Variants in ATAD2 observed in about 807,000 individuals in gnomAD.
ATAD2 encodes ATPase family AAA domain-containing protein 2.
Under a neutral mutation model 168.9 loss-of-function variants are expected in ATAD2, and 62 were observed. That is an observed-to-expected ratio of 0.37 (90% CI 0.30 to 0.45). The LOEUF (loss-of-function observed/expected upper bound fraction) is 0.45, where lower values mean the gene tolerates loss of function less well. Ranked by LOEUF, ATAD2 falls within the 20% of genes least tolerant of loss-of-function variation. The pLI is 1.00. For synonymous variants in ATAD2, 613 were observed against 571.6 expected, an observed-to-expected ratio of 1.07 and a Z score of -1.03; for missense variants, 1,419 against 1,667.8, an observed-to-expected ratio of 0.85 and a Z score of 2.60.
At chr8:123,345,506 CAAAAAAAAAAAA>C (rs34282183) in intron 18 of ATAD2, among the ~76,000 whole-genome samples, 57 of 50,128 alleles carry the variant, frequency 1.1e-3, no homozygotes, top group African/African-American at 2.6e-3. Context: ...TATTAAAATA[CAAAAAAAAAAAA>C]AAAAAAAAAT....
In ATAD2 at chr8:123,336,626, T is replaced by C. The variant is rs566083404; in HGVS notation, c.3052-94A>G. 26 of 908,854 alleles carry C rather than the reference T, an allele frequency of 2.9e-5. 1 individual carries two copies. The highest frequency in any genetic ancestry group is 2.6e-4 in the African/African-American group (15 of 57,810). The allele number at this position is 908,854 out of a possible 1,614,324, so 56.3% of individuals were successfully genotyped here. A position where few individuals can be genotyped will look rare whatever the true frequency, so the allele number is the denominator to read the frequency against. ...GCCAGGCAATATAGGAGATAGAGAA[T>C]AAATACGTAAGAGATTATGATAATA... is the stretch of plus-strand genomic sequence containing the variant. On this transcript the variant is annotated intron_variant, in intron 21 of 27. Coordinates refer to ENST00000287394, the MANE Select transcript of ATAD2 (RefSeq NM_014109.4).
chr8:123,359,555 T>C (rs1828749972), intron 10 of ATAD2, 22 bp downstream of exon 10: 4 of 1,559,634 alleles, frequency 2.6e-6, no homozygotes, highest in Non-Finnish European at 2.6e-6. Context: ...TTCAAGCATA[T>C]GTTTCAAAAC....
chr8:123,347,552 A>C, intron 15 of ATAD2, 146 bp from the exon 16 acceptor site: 1 of 801,942 alleles, frequency 1.2e-6, no homozygotes, highest in Non-Finnish European at 1.9e-6. Flanking sequence ...TAAGACCAAA[A>C]TCTCTTTTAC....
Position 123,396,110 on chromosome 8 carries a change from C to G in ATAD2, c.171+77G>C, listed in dbSNP as rs4871359. ...CACCCTGACCGGCGCCGCCCACCCCCAGGCCCCTCCGAGCGCCGGGCTGCC... is the reference window on the plus strand; with the variant it reads ...CACCCTGACCGGCGCCGCCCACCCCGAGGCCCCTCCGAGCGCCGGGCTGCC... On this transcript the variant is annotated intron_variant, in intron 1 of 27. Transcript: ENST00000287394. The G allele has an allele frequency of 2.8e-6, 4 of 1,451,452 alleles. No homozygotes were observed. In the East Asian group the frequency reaches 1.0e-4, roughly 38 times the overall value. The allele number at this position is 1,451,452 out of a possible 1,614,324, so 89.9% of individuals were successfully genotyped here.
intron 2 of ATAD2, among the ~76,000 whole-genome samples, chr8:123,376,597 T>C (rs1448050516): frequency 1.3e-5 from 2 of 152,064 alleles, no homozygotes; most frequent in Non-Finnish European, 2.9e-5. Flanking sequence ...ACCATGGAAT[T>C]GTACACTTTA....
rs1376052815 is a variant in ATAD2, at chr8:123,361,589, T to C, written c.1107A>G (p.Glu369=). 6.2e-7 allele frequency: 1 copy of C among 1,613,638 alleles called. No individual in the cohort carries two copies. Among genetic ancestry groups the C allele is most frequent in the South Asian group, 1.1e-5 (1 of 91,054 alleles). ...TTTTCCTCCGCCTCTCAAAGTGCTG[T>C]TCATCTTCAGAGGAGGAAGATGAAG... ...DSTSSSSSED[E]QHFERRRKRS... is the part of the protein sequence containing the mutation. The change falls in exon 9 of 28, where the codon GAA becomes GAG. Residue 369 remains glutamate, a synonymous_variant. Transcript: ENST00000287394.
rs964074287 is a variant in ATAD2, at chr8:123,328,538, A to C, written c.3520T>G (p.Leu1174Val). 2.6e-6 allele frequency: 4 copies of C among 1,567,940 alleles called. No individual in the cohort carries two copies. The highest frequency in any genetic ancestry group is 1.7e-4 in the Middle Eastern group (1 of 5,882). ...TTCCTTCGCTTTTTTATGGTGCCTAAGTACCAGTTTGACTTTTTGCGAATT... is the reference window on the plus strand; with the variant it reads ...TTCCTTCGCTTTTTTATGGTGCCTACGTACCAGTTTGACTTTTTGCGAATT... The part of the protein sequence containing the change: ...RKIRKKSNWY[L>V]GTIKKRRKIS... Residue 1174 changes from leucine (L) to valine (V), a missense_variant, in exon 25 of 28, where the codon TTA becomes GTA. Leu to Val is a conservative substitution (Grantham distance 32, BLOSUM62 1). Around this residue, in one of 5 missense-constraint regions of ATAD2, gnomAD observed 303 missense variants for 304.3 expected, o/e 1.00. Coordinates refer to ENST00000287394, the MANE Select transcript of ATAD2 (RefSeq NM_014109.4).
intron 2 of ATAD2, among the ~76,000 whole-genome samples, chr8:123,375,786 C>G (rs1829290624): frequency 6.6e-6 from 1 of 151,920 alleles, no homozygotes; most frequent in South Asian, 2.1e-4. Context: ...GCCTGGCCAA[C>G]ATGGTGAAAC....
upstream of ATAD2, chr8:123,400,760 A>G: frequency 3.8e-6 from 3 of 789,742 alleles, no homozygotes; most frequent in Non-Finnish European, 6.8e-6. The surrounding 1 kb of genome is among the most constrained non-coding windows in gnomAD (Gnocchi z 4.5). Context: ...ATCACGCTGA[A>G]GACGCCGCTG....
chr8:123,346,564 T>C, intron 17 of ATAD2, 54 bp downstream of exon 17: 1 of 1,429,664 alleles, frequency 7.0e-7, no homozygotes, highest in Non-Finnish European at 9.4e-7. Context: ...ACATCTCATT[T>C]ATTTTTAGAA....
At chr8:123,405,420 C>CT (rs112395027) in intron 1 of ATAD2, among the ~76,000 whole-genome samples, 74,751 of 148,412 alleles carry the variant, frequency 0.5, 20,071 homozygotes, top group East Asian at 0.88. Flanking sequence ...TGAAGCCTGG[C>CT]TTTTTTTTTT....
intron 1 of ATAD2, among the ~76,000 whole-genome samples, chr8:123,395,533 T>C (rs1335273884): frequency 6.6e-6 from 1 of 152,204 alleles, no homozygotes; most frequent in Non-Finnish European, 1.5e-5. Flanking sequence ...TACCCCTTAC[T>C]GTTTACCTTT....
At chr8:123,330,337 T>C (rs1827743376) in intron 24 of ATAD2, among the ~76,000 whole-genome samples, 1 of 151,188 alleles carries the variant, frequency 6.6e-6, no homozygotes. Flanking sequence ...GTCTGCTGCC[T>C]CTTGGTTGTC....
intron 1 of ATAD2, among the ~76,000 whole-genome samples, chr8:123,389,312 G>C (rs376648572): frequency 6.7e-6 from 1 of 148,382 alleles, no homozygotes; most frequent in African/African-American, 2.5e-5. Flanking sequence ...TCAAGGACAA[G>C]CAGTCCCAAC....
intron 8 of ATAD2, among the ~76,000 whole-genome samples, chr8:123,367,137 G>A (rs549849375): frequency 2.6e-5 from 4 of 152,296 alleles, no homozygotes; most frequent in East Asian, 3.9e-4. Context: ...TAACTCGGCC[G>A]GGTGCAGTGG....
At chr8:123,363,706 TCA>T (rs1298257813) in intron 8 of ATAD2, among the ~76,000 whole-genome samples, 1 of 152,196 alleles carries the variant, frequency 6.6e-6, no homozygotes, top group African/African-American at 2.4e-5. Context: ...GTCACAGAAT[TCA>T]GACTAACCTC....
Position 123,322,962 on chromosome 8 carries a change from G to A in ATAD2, c.4107C>T (p.Asp1369=), listed in dbSNP as rs1305196392. 1 of 1,613,628 alleles carries A rather than the reference G, an allele frequency of 6.2e-7. No individual in the cohort carries two copies. The highest frequency in any genetic ancestry group is 8.5e-7 in the Non-Finnish European group (1 of 1,179,822). ...CCTGAATAAGTGATGTTTTATCATG[G>A]TCCTTGCGATGCCGATAAATACATT... ...ISQCIYRHRK[D]HDKTSLIQKM... is the part of the protein sequence containing the mutation. The change falls in exon 27 of 28, where the codon GAC becomes GAT. Residue 1369 remains aspartate (D), a synonymous_variant. Coordinates refer to ENST00000287394, the MANE Select transcript of ATAD2 (RefSeq NM_014109.4).
intron 22 of ATAD2, among the ~76,000 whole-genome samples, chr8:123,335,018 T>C (rs1002511231): frequency 6.6e-6 from 1 of 152,158 alleles, no homozygotes; most frequent in African/African-American, 2.4e-5. Context: ...CAGCAGCCTG[T>C]GTCACCGGGA....
rs148244463 is a variant in ATAD2, at chr8:123,369,936, A to G, written c.816T>C (p.Asp272=). ...CATCATCTTCATCATCATCATCATCATCATCATCGTCATCATCATCATCAT... is the reference window on the plus strand; with the variant it reads ...CATCATCTTCATCATCATCATCATCGTCATCATCGTCATCATCATCATCAT... ...DEDDDDDDDD[D]DDDDDEDDED... is the part of the protein sequence containing the mutation. Residue 272 remains aspartate (D), a synonymous_variant, in exon 7 of 28, where the codon GAT becomes GAC. Transcript: ENST00000287394. 44 of 1,576,310 alleles carry G rather than the reference A, an allele frequency of 2.8e-5. No individual in the cohort carries two copies. The highest frequency in any genetic ancestry group is 1.7e-4 in the Middle Eastern group (1 of 5,990).
Sources: gnomAD v4.1 joint callset for allele counts (sites outside exome capture counted in the v4.1 genomes callset) on GRCh38, gnomAD v4.1.1 for gene constraint, gnomAD v4.1.1 regional missense constraint, Gnocchi (gnomAD v3.1) non-coding constraint, MANE v1.5 for transcripts, NCBI Gene and HGNC (gene_info 2026-07-23, HGNC 2026-07-21) for gene names.